The following CXXC1 variants were observed in gnomAD, a reference collection of about 807,000 sequenced individuals.
The protein encoded by CXXC1 is CXXC-type zinc finger protein 1.
CXXC1 carries 21 observed loss-of-function variants against 83.6 expected under a neutral mutation model. That is an observed-to-expected ratio of 0.25 (90% confidence interval 0.18 to 0.36). CXXC1 has a LOEUF of 0.36. Among genes scored for constraint, CXXC1 ranks in the 10% least tolerant of loss-of-function variants. The pLI is 1.00. For synonymous variants in CXXC1, 371 were observed against 337.5 expected, an observed-to-expected ratio of 1.10 and a Z score of -1.09; for missense variants, 688 against 919.5, an observed-to-expected ratio of 0.75 and a Z score of 3.26.
At chr18:50,286,988 A>C in intron 1 of CXXC1, 130 bp from the exon 2 acceptor site, 1 of 678,960 alleles carries the variant, frequency 1.5e-6, no homozygotes, top group Non-Finnish European at 2.7e-6. Flanking sequence ...GCCCCCAAAA[A>C]ACCTCTCCAT....
chr18:50,287,104 A>G (rs561921490), intron 1 of CXXC1: 2 of 557,228 alleles, frequency 3.6e-6, no homozygotes, highest in African/African-American at 3.8e-5. Context: ...CACACTCGCT[A>G]ATGGGTCATG....
At chr18:50,284,920 A>G in intron 7 of CXXC1, 81 bp from the exon 8 acceptor site, 1 of 1,612,326 alleles carries the variant, frequency 6.2e-7, no homozygotes, top group Non-Finnish European at 8.5e-7. Context: ...TCAGCCTTCC[A>G]TACCCTCTGT....
At position 50,287,430 on chromosome 18, in the gene CXXC1, C is replaced by T. The variant is rs765493031; in HGVS notation, c.3+157G>A. ...CCCCCCACCGTGGCTCACCATAGAA[C>T]TCCCAGATGGTTCATCATTCTGCCC... On this transcript the variant is annotated intron_variant, in intron 1 of 14. Transcript: ENST00000285106. 4 of 887,578 alleles carry T rather than the reference C, an allele frequency of 4.5e-6. No homozygotes were observed. The South Asian group carries it at 4.7e-5, about 10-fold the overall frequency. 55.0% of individuals were successfully genotyped at this position (887,578 alleles called of 1,614,324 possible). A position where few individuals can be genotyped will look rare whatever the true frequency, so the allele number is the denominator to read the frequency against.
chr18:50,283,745 G>A lies in CXXC1; in HGVS notation c.1484C>T (p.Pro495Leu). 6.2e-7 allele frequency: 1 copy of A among 1,614,240 alleles called. No homozygotes were observed. Among genetic ancestry groups the A allele is most frequent in the Non-Finnish European group, 8.5e-7 (1 of 1,180,040 alleles). ...CTCCATGTGGCGCAAGGCAACACGT[G>A]GGTTGATGGGGTGCCCACAGGAAAC... ...FCVSCGHPINPRVALRHMERC... is the reference protein window; with the variant it reads ...FCVSCGHPINLRVALRHMERC... The change falls in exon 11 of 15, where the codon CCA (proline) becomes CTA (leucine). Residue 495 changes from proline (P) to leucine (L), a missense_variant. By Grantham distance (98) the Pro-to-Leu change is moderately conservative. Coordinates refer to ENST00000285106, the MANE Select transcript of CXXC1 (RefSeq NM_014593.4).
rs778764010 is a variant in CXXC1 at position 50,283,914 on chromosome 18, C to T, written c.1393G>A (p.Ala465Thr). 2.5e-6 allele frequency: 4 copies of T among 1,614,072 alleles called. No individual in the cohort carries two copies. The highest frequency in any genetic ancestry group is 3.4e-6 in the Non-Finnish European group (4 of 1,180,036). The change falls in exon 10 of 15, where the codon GCT (alanine) becomes ACT (threonine). Residue 465 changes from alanine to threonine, a missense_variant. Physicochemically the swap from Ala to Thr is moderately conservative, Grantham distance 58 (BLOSUM62 0). Around this residue, in one of 9 missense-constraint regions of CXXC1, gnomAD observed 100 missense variants for 142.5 expected, o/e 0.70. Coordinates refer to ENST00000285106, the MANE Select transcript of CXXC1 (RefSeq NM_014593.4). Reference protein sequence around the residue: ...EAIILRAKQQAVREDEESNEG... With the variant: ...EAIILRAKQQTVREDEESNEG... Reference sequence around the variant, plus strand: ...CTCACCTCCTCATCCTCGCGCACAGCCTGCTGCTTGGCACGTAGAATGATG... The same window carrying T: ...CTCACCTCCTCATCCTCGCGCACAGTCTGCTGCTTGGCACGTAGAATGATG...
Position 50,286,149 on chromosome 18 carries a change from C to G in CXXC1, c.332G>C (p.Arg111Thr). 1 of 1,614,020 alleles carries G rather than the reference C, an allele frequency of 6.2e-7. No individual in the cohort carries two copies. Among genetic ancestry groups the G allele is most frequent in the Non-Finnish European group, 8.5e-7 (1 of 1,180,010 alleles). ...CTGCAGGTCTGGATCAGGGACAGGC[C>G]TCTTGCGCCCTCCACCCTCATCCCG... ...EPRDEGGGRK[R>T]PVPDPDLQRR... Residue 111 changes from arginine to threonine, a missense_variant, in exon 4 of 15, where the codon AGG (arginine) becomes ACG (threonine). Transcript: ENST00000285106.
In CXXC1 at chr18:50,286,868, AC is replaced by A; in HGVS notation, c.4-11del. On this transcript the variant is annotated splice_polypyrimidine_tract_variant and intron_variant, in intron 1 of 14. Coordinates refer to ENST00000285106, the MANE Select transcript of CXXC1 (RefSeq NM_014593.4). The stretch of plus-strand genomic sequence containing the variant: ...CTGAACCATCTCCCTCCTGCAGGAC[AC>A]CCCCATTACGGATCCTTAAGCAGCC... 2 of 1,580,044 alleles carry A rather than the reference AC, an allele frequency of 1.3e-6. No individual in the cohort carries two copies. Among genetic ancestry groups the A allele is most frequent in the Non-Finnish European group, 1.7e-6 (2 of 1,150,828 alleles).
At chr18:50,286,305 G>A (rs780906976) in intron 3 of CXXC1, 48 bp from the exon 4 acceptor site, 3 of 1,503,676 alleles carry the variant, frequency 2.0e-6, no homozygotes, top group African/African-American at 1.4e-5. Context: ...TGGATGGCTT[G>A]AATGGTCCCA....
chr18:50,282,688 T>C lies in CXXC1; in HGVS notation c.1876A>G (p.Met626Val). 6.2e-7 allele frequency: 1 copy of C among 1,613,872 alleles called. No homozygotes were observed. The highest frequency in any genetic ancestry group is 8.5e-7 in the Non-Finnish European group (1 of 1,180,032). ...FEQERNVRTA[M>V]TNRAGLLALM... Reference sequence around the variant, plus strand: ...GCCAGCAATCCCGCGCGGTTTGTCATGGCTGTGCGCACATTGCGCTCCTGC... The same window carrying C: ...GCCAGCAATCCCGCGCGGTTTGTCACGGCTGTGCGCACATTGCGCTCCTGC... The change falls in exon 15 of 15, where the codon ATG becomes GTG. Residue 626 changes from methionine to valine, a missense_variant. Transcript: ENST00000285106. This position sits in a 1 kb window ranked among gnomAD's most constrained non-coding sequence, Gnocchi z 5.8.
chr18:50,285,135 G>T lies in CXXC1; in HGVS notation c.779C>A (p.Ala260Glu). ...CTCCTTGACTGTTGATGACGCCACT[G>T]CCCCCTCATCTTCACGGATGCGCCC... ...KLGRIREDEG[A>E]VASSTVKEPP... Residue 260 changes from alanine (A) to glutamate (E), a missense_variant, in exon 7 of 15, where the codon GCA (alanine) becomes GAA (glutamate). By Grantham distance (107) the Ala-to-Glu change is moderately radical. Transcript: ENST00000285106. The surrounding 1 kb of genome is among the most constrained non-coding windows in gnomAD (Gnocchi z 4.4). 6.2e-7 allele frequency: 1 copy of T among 1,614,202 alleles called. No homozygotes were observed. Among genetic ancestry groups the T allele is most frequent in the Middle Eastern group, 1.6e-4 (1 of 6,062 alleles).
rs751506313 is a variant in CXXC1, at chr18:50,282,805, C to A, written c.1824+49G>T. The A allele has an allele frequency of 3.7e-5, 59 of 1,611,842 alleles. 1 individual carries two copies. The South Asian group carries it at 4.7e-4, about 13-fold the overall frequency. On this transcript the variant is annotated intron_variant, in intron 14 of 14. Coordinates refer to ENST00000285106, the MANE Select transcript of CXXC1 (RefSeq NM_014593.4). This position sits in a 1 kb window ranked among gnomAD's most constrained non-coding sequence, Gnocchi z 5.8. Reference sequence around the variant, plus strand: ...CAGCCCCGCCTGCCCCGGCCACGTCCGACATGGAAACCTACCACATGCAGC... The same window carrying A: ...CAGCCCCGCCTGCCCCGGCCACGTCAGACATGGAAACCTACCACATGCAGC...
rs752212774 is a variant in CXXC1, at chr18:50,286,526, C to T, written c.223+13G>A. 20 of 1,611,308 alleles carry T rather than the reference C, an allele frequency of 1.2e-5. No individual in the cohort carries two copies. The highest frequency in any genetic ancestry group is 1.5e-5 in the Non-Finnish European group (18 of 1,177,608). ...AGCCCCACCTGCCTTCCCTGTCCATCCATGGCCCTCACCTCTGCACTCCCG... is the reference window on the plus strand; with the variant it reads ...AGCCCCACCTGCCTTCCCTGTCCATTCATGGCCCTCACCTCTGCACTCCCG... On this transcript the variant is annotated intron_variant, in intron 3 of 14. Transcript: ENST00000285106.
In CXXC1 at chr18:50,284,469, G is replaced by C; in HGVS notation, c.1114C>G (p.Leu372Val). Residue 372 changes from leucine (L) to valine (V), a missense_variant, in exon 9 of 15, where the codon CTG becomes GTG. Leu to Val is a conservative substitution (Grantham distance 32). This residue lies in a region of CXXC1 where 190 missense variants were observed against 199.7 expected (regional missense o/e 0.95). Coordinates refer to ENST00000285106, the MANE Select transcript of CXXC1 (RefSeq NM_014593.4). ...ERADAKDPAS[L>V]PQCLGPGCVR... ...CAGCCGGGCCCCAGGCACTGGGGCA[G>C]TGACGCAGGGTCCTTGGCATCAGCC... 6.2e-7 allele frequency: 1 copy of C among 1,609,190 alleles called. No individual in the cohort carries two copies. Among genetic ancestry groups the C allele is most frequent in the Non-Finnish European group, 8.5e-7 (1 of 1,177,598 alleles).
chr18:50,286,162 C>T lies in CXXC1; in HGVS notation c.319G>A (p.Gly107Arg). The change falls in exon 4 of 15, where the codon GGA (glycine) becomes AGA (arginine). Residue 107 changes from glycine to arginine, a missense_variant. Transcript: ENST00000285106. ...TCAGGGACAGGCCTCTTGCGCCCTC[C>T]ACCCTCATCCCGGGGCTCACTGCTG... ...RDSSEPRDEG[G>R]GRKRPVPDPD... The T allele has an allele frequency of 6.2e-7, 1 of 1,613,964 alleles. No homozygotes were observed. Among genetic ancestry groups the T allele is most frequent in the Non-Finnish European group, 8.5e-7 (1 of 1,179,996 alleles).
Position 50,286,119 on chromosome 18 carries a change from C to T in CXXC1, c.362G>A (p.Arg121Gln), listed in dbSNP as rs757644965. ...RPVPDPDLQR[R>Q]AGSGTGVGAM... ...CCCAACCCCTGTCCCTGACCCTGCC[C>T]GGCGCTGCAGGTCTGGATCAGGGAC... The change falls in exon 4 of 15, where the codon CGG (arginine) becomes CAG (glutamine). Residue 121 changes from arginine (R) to glutamine (Q), a missense_variant. Arg to Gln is a conservative substitution (Grantham distance 43). Transcript: ENST00000285106. The T allele has an allele frequency of 9.2e-5, 148 of 1,613,860 alleles. No individual in the cohort carries two copies. Among genetic ancestry groups the T allele is most frequent in the Non-Finnish European group, 1.2e-4 (139 of 1,180,010 alleles).
rs767287808 is a variant in CXXC1, at chr18:50,282,806, G to A, written c.1824+48C>T. 91 of 1,611,828 alleles carry A rather than the reference G, an allele frequency of 5.6e-5. No individual in the cohort carries two copies. Among genetic ancestry groups the A allele is most frequent in the Non-Finnish European group, 7.5e-5 (88 of 1,178,274 alleles). On this transcript the variant is annotated intron_variant, in intron 14 of 14. Coordinates refer to ENST00000285106, the MANE Select transcript of CXXC1 (RefSeq NM_014593.4). This position sits in a 1 kb window ranked among gnomAD's most constrained non-coding sequence, Gnocchi z 5.8. Reference sequence around the variant, plus strand: ...AGCCCCGCCTGCCCCGGCCACGTCCGACATGGAAACCTACCACATGCAGCA... The same window carrying A: ...AGCCCCGCCTGCCCCGGCCACGTCCAACATGGAAACCTACCACATGCAGCA...
Position 50,285,441 on chromosome 18 carries a change from C to T in CXXC1, c.640-90G>A. On this transcript the variant is annotated intron_variant, in intron 5 of 14. Transcript: ENST00000285106. The surrounding 1 kb of genome is among the most constrained non-coding windows in gnomAD (Gnocchi z 4.4). ...CTACCCACCTGGCCTGGCCTTACCTCCCCAGACACACCTCCCCGCTACCCC... is the reference window on the plus strand; with the variant it reads ...CTACCCACCTGGCCTGGCCTTACCTTCCCAGACACACCTCCCCGCTACCCC... 7.0e-7 allele frequency: 1 copy of T among 1,438,590 alleles called. No individual in the cohort carries two copies. Among genetic ancestry groups the T allele is most frequent in the Non-Finnish European group, 9.3e-7 (1 of 1,071,496 alleles). 89.1% of individuals were successfully genotyped at this position (1,438,590 alleles called of 1,614,324 possible). A position where few individuals can be genotyped will look rare whatever the true frequency, so the allele number is the denominator to read the frequency against.
chr18:50,286,688 G>C (rs774043661), intron 2 of CXXC1, 49 bp from the exon 3 acceptor site: 4 of 1,607,980 alleles, frequency 2.5e-6, no homozygotes, highest in African/African-American at 1.3e-5. Flanking sequence ...GCGGCCCATC[G>C]GCCTCACCCC....
rs769419274 is a variant in CXXC1, at chr18:50,286,667, A to C, written c.123-28T>G. The C allele has an allele frequency of 5.0e-6, 8 of 1,612,036 alleles. No homozygotes were observed. In the South Asian group the frequency reaches 8.8e-5, roughly 18 times the overall value. On this transcript the variant is annotated intron_variant, in intron 2 of 14. Coordinates refer to ENST00000285106, the MANE Select transcript of CXXC1 (RefSeq NM_014593.4). ...GCAGAGGATGGGGCAGGCGATGGAG[A>C]TGTGAGGGGCGCGGCCCATCGGCCT...
Sources: gnomAD v4.1 joint callset for allele counts on GRCh38, gnomAD v4.1.1 for gene constraint, gnomAD v4.1.1 regional missense constraint, Gnocchi (gnomAD v3.1) non-coding constraint, MANE v1.5 for transcripts, NCBI Gene and HGNC (gene_info 2026-07-23, HGNC 2026-07-21) for gene names.